Variants in GLRB observed in about 807,000 individuals in gnomAD.
The protein encoded by GLRB is glycine receptor beta.
Under a neutral mutation model 54.2 loss-of-function variants are expected in GLRB, and 33 were observed. The observed-to-expected ratio is 0.61, with a 90% CI of 0.46 to 0.81. GLRB has a LOEUF of 0.81. Ranked by LOEUF, GLRB falls within the 40% of genes least tolerant of loss-of-function variation. The probability of loss-of-function intolerance (pLI) is 0.00; values close to 1 mark genes in which losing one functional copy is unlikely to be tolerated. For synonymous variants in GLRB, 209 were observed against 208.2 expected (o/e 1.00, Z -0.03); for missense variants, 572 against 584.6 (o/e 0.98, Z 0.22).
At chr4:157,093,294 C>A (rs1243943001) in intron 2 of GLRB, among the ~76,000 whole-genome samples, 1 of 152,152 alleles carries the variant, frequency 6.6e-6, no homozygotes, top group African/African-American at 2.4e-5. Context: ...TGGATGTTAG[C>A]TGTCAATGGA....
chr4:157,146,240 C>A (rs1359498095), intron 8 of GLRB, among the ~76,000 whole-genome samples: 3 of 152,064 alleles, frequency 2.0e-5, no homozygotes, highest in Non-Finnish European at 4.4e-5. Flanking sequence ...TGATATCGAA[C>A]TGCTGACCCC....
At chr4:157,123,099 G>A (rs571344683) in intron 4 of GLRB, among the ~76,000 whole-genome samples, 2 of 151,702 alleles carry the variant, frequency 1.3e-5, no homozygotes, top group South Asian at 2.1e-4. Context: ...AAAGCCATTC[G>A]ATAAAGTCTA....
chr4:157,121,834 T>A (rs780202776), intron 3 of GLRB, among the ~76,000 whole-genome samples: 1 of 151,732 alleles, frequency 6.6e-6, no homozygotes, highest in Non-Finnish European at 1.5e-5. Flanking sequence ...CTGCTATGTG[T>A]CCAATTAGCT....
At chr4:157,102,838 T>C (rs1735082246) in intron 2 of GLRB, among the ~76,000 whole-genome samples, 1 of 152,186 alleles carries the variant, frequency 6.6e-6, no homozygotes, top group Admixed American at 6.5e-5. Flanking sequence ...AGACTTGGCA[T>C]TTAAATGTGT....
Position 157,078,015 on chromosome 4 carries a change from A to C in GLRB, c.-10A>C, listed in dbSNP as rs781631616. 6.2e-7 allele frequency: 1 copy of C among 1,605,684 alleles called. No homozygotes were observed. Among genetic ancestry groups the C allele is most frequent in the Non-Finnish European group, 8.5e-7 (1 of 1,173,390 alleles). On this transcript the variant is annotated 5_prime_UTR_variant, in exon 2 of 10. Transcript: ENST00000264428. ...TTGTAGATCGATCTTCTGAAATTCA[A>C]GTTTTCAAGATGAAGTTTTTATTGA...
intron 8 of GLRB, among the ~76,000 whole-genome samples, chr4:157,148,577 T>C (rs1171844925): frequency 5.9e-5 from 9 of 152,226 alleles, no homozygotes; most frequent in South Asian, 4.1e-4. Context: ...CATCTTTCAG[T>C]TGAAATATTT....
At chr4:157,149,104 A>C (rs1416934046) in intron 8 of GLRB, among the ~76,000 whole-genome samples, 1 of 152,014 alleles carries the variant, frequency 6.6e-6, no homozygotes, top group African/African-American at 2.4e-5. Flanking sequence ...TTTCCCCTAC[A>C]TTCTCCCAAA....
chr4:157,096,149 G>A (rs1734801753), intron 2 of GLRB, among the ~76,000 whole-genome samples: 1 of 152,158 alleles, frequency 6.6e-6, no homozygotes, highest in African/African-American at 2.4e-5. Context: ...AGCTAGCCAG[G>A]CAGGGGAACA....
intron 9 of GLRB, among the ~76,000 whole-genome samples, chr4:157,162,663 C>T (rs896505209): frequency 2.0e-5 from 3 of 152,144 alleles, no homozygotes; most frequent in African/African-American, 7.2e-5. Context: ...TATTGCAGAA[C>T]AGCAAATGTT....
chr4:157,077,465 T>C (rs1386389709), intron 1 of GLRB, among the ~76,000 whole-genome samples: 5 of 152,132 alleles, frequency 3.3e-5, no homozygotes, highest in Non-Finnish European at 7.4e-5. Flanking sequence ...TGATATTAAC[T>C]TTTTCTTTTA....
At chr4:157,142,668 T>C (rs567827222) in intron 7 of GLRB, among the ~76,000 whole-genome samples, 16 of 152,304 alleles carry the variant, frequency 1.1e-4, no homozygotes, top group Admixed American at 1.0e-3. Context: ...ATATTGTTTT[T>C]AAACTGTAAA....
At chr4:157,122,818 T>G (rs1735881959) in intron 4 of GLRB, among the ~76,000 whole-genome samples, 1 of 151,766 alleles carries the variant, frequency 6.6e-6, no homozygotes, top group African/African-American at 2.4e-5. Context: ...TATGTTCATT[T>G]TGTGATATGT....
chr4:157,138,694 T>A (rs565762673), intron 6 of GLRB, 115 bp from the exon 7 acceptor site: 2 of 636,126 alleles, frequency 3.1e-6, no homozygotes, highest in African/African-American at 1.8e-5. Context: ...TACAATTTCA[T>A]ATAAGAAGGT....
At position 157,170,485 on chromosome 4, in the gene GLRB, T is replaced by G. The variant is rs1579261833; in HGVS notation, c.1251T>G (p.Ser417=). 6.2e-7 allele frequency: 1 copy of G among 1,608,580 alleles called. No homozygotes were observed. Among genetic ancestry groups the G allele is most frequent in the East Asian group, 2.2e-5 (1 of 44,824 alleles). Residue 417 remains serine (S), a synonymous_variant, in exon 10 of 10, where the codon TCT becomes TCG. Coordinates refer to ENST00000264428, the MANE Select transcript of GLRB (RefSeq NM_000824.5). ...GTACTTCTAAGTCTGATCTGAGATC[T>G]AATGACTTCAGCATTGTTGGAAGCT... The part of the protein sequence containing the change: ...KVCTSKSDLR[S]NDFSIVGSLP...
intron 2 of GLRB, among the ~76,000 whole-genome samples, chr4:157,102,691 C>T (rs915618628): frequency 5.3e-5 from 8 of 152,000 alleles, no homozygotes; most frequent in African/African-American, 1.7e-4. Flanking sequence ...GAGGGAAAAT[C>T]GAGACAGGAA....
intron 2 of GLRB, among the ~76,000 whole-genome samples, chr4:157,093,754 C>CAAAAA (rs70958808): frequency 3.0e-4 from 18 of 60,776 alleles, no homozygotes; most frequent in African/African-American, 4.1e-4. Flanking sequence ...GACTCCATCT[C>CAAAAA]AAAAAAAAAA....
intron 5 of GLRB, 31 bp downstream of exon 5, chr4:157,136,729 T>C: frequency 6.6e-7 from 1 of 1,520,506 alleles, no homozygotes; most frequent in African/African-American, 1.4e-5. Flanking sequence ...TTTGTGCATT[T>C]ATATTTTCCT....
chr4:157,087,460 C>CA (rs1734452613), intron 2 of GLRB, among the ~76,000 whole-genome samples: 2 of 152,124 alleles, frequency 1.3e-5, no homozygotes, highest in Non-Finnish European at 1.5e-5. Flanking sequence ...TTATGGCAGC[C>CA]ATATCTTTTA....
In GLRB at chr4:157,131,672, C is replaced by T. The variant is rs537103703; in HGVS notation, c.298-4797C>T. On this transcript the variant is annotated intron_variant, in intron 4 of 9. Transcript: ENST00000264428. ...TTCCAGAATGTCAGATAATTGGAATCGTACATTATGCAGCCTTTTCAGATT... is the reference window on the plus strand; with the variant it reads ...TTCCAGAATGTCAGATAATTGGAATTGTACATTATGCAGCCTTTTCAGATT... Among the ~76,000 whole-genome samples the T allele has an allele frequency of 5.1e-4, 78 of 151,820 alleles. 2 individuals carry two copies. In the South Asian group the frequency reaches 0.016, roughly 30 times the overall value.
Sources: allele counts gnomAD v4.1 joint callset (sites outside exome capture counted in the v4.1 genomes callset), GRCh38; gene constraint gnomAD v4.1.1; transcripts MANE v1.5; gene names NCBI Gene and HGNC (gene_info 2026-07-23, HGNC 2026-07-21).